UMODL1: variants seen among roughly 807,000 people sequenced by gnomAD.
UMODL1 encodes the protein uromodulin-like 1.
A neutral mutation model predicts 136.3 loss-of-function variants in UMODL1; 128 were observed. The ratio of observed to expected loss-of-function variants is 0.94; its 90% confidence interval spans 0.81 to 1.09. The LOEUF (loss-of-function observed/expected upper bound fraction) is 1.09. Ranked by LOEUF, UMODL1 falls within the 50% of genes least tolerant of loss-of-function variation. UMODL1 has a pLI of 0.00. For synonymous variants in UMODL1, 721 were observed against 720.0 expected (o/e 1.00, Z -0.02); for missense variants, 1,766 against 1,725.6 (o/e 1.02, Z -0.41).
Position 42,085,216 on chromosome 21 carries a change from C to T in UMODL1, c.482-75C>T. 1.3e-6 allele frequency: 2 copies of T among 1,561,202 alleles called. No individual in the cohort carries two copies. The highest frequency in any genetic ancestry group is 2.4e-5 in the South Asian group (2 of 82,664). On this transcript the variant is annotated intron_variant, in intron 3 of 22. Coordinates refer to ENST00000408910, the MANE Select transcript of UMODL1 (RefSeq NM_001004416.3). This position sits in a 1 kb window ranked among gnomAD's most constrained non-coding sequence, Gnocchi z 4.5. ...TGGCCTCTGGTTCCCTCTCCTGCCC[C>T]CTCTCCCACCCCAGCAGCTTTTGTG...
At chr21:42,075,108 C>T (rs1252791177) in intron 1 of UMODL1, among the ~76,000 whole-genome samples, 1 of 152,130 alleles carries the variant, frequency 6.6e-6, no homozygotes, top group African/African-American at 2.4e-5. Context: ...CCATGTTAGC[C>T]AGGGTGGTCT....
intron 20 of UMODL1, 91 bp downstream of exon 20, chr21:42,127,922 G>A (rs1049027161): frequency 1.1e-4 from 167 of 1,557,888 alleles, no homozygotes; most frequent in Non-Finnish European, 6.7e-5. Context: ...CCTAGGGCTC[G>A]AGTGGCTCGG....
intron 6 of UMODL1, among the ~76,000 whole-genome samples, chr21:42,092,589 C>T (rs2066504930): frequency 6.6e-6 from 1 of 152,208 alleles, no homozygotes; most frequent in South Asian, 2.1e-4. Flanking sequence ...ACTTCTGTTG[C>T]TTTCAAGAGT....
chr21:42,121,430 A>G (rs1343793107), intron 16 of UMODL1, among the ~76,000 whole-genome samples: 1 of 151,790 alleles, frequency 6.6e-6, no homozygotes, highest in Non-Finnish European at 1.5e-5. Context: ...GTTCCTTCCC[A>G]TTCTTTCATA....
chr21:42,129,778 A>AC lies in UMODL1; in HGVS notation c.3760dup (p.Leu1254ProfsTer5). 1 of 1,587,084 alleles carries AC rather than the reference A, an allele frequency of 6.3e-7. No individual in the cohort carries two copies. Among genetic ancestry groups the AC allele is most frequent in the Non-Finnish European group, 8.5e-7 (1 of 1,169,620 alleles). On this transcript the variant is annotated frameshift_variant, in exon 21 of 23. Transcript: ENST00000408910. LOFTEE classifies it high-confidence loss of function. ...CTGCCACACACCAGATGTCCTGGGG[A>AC]CCCCTCATCCGGTCTGAAGGTGAGT...
intron 11 of UMODL1, 114 bp from the exon 12 acceptor site, chr21:42,111,392 A>G: frequency 1.2e-6 from 2 of 1,613,120 alleles, no homozygotes; most frequent in Non-Finnish European, 1.7e-6. Flanking sequence ...GGCGAGCCCC[A>G]GCCATAGGAA....
At position 42,085,224 on chromosome 21, in the gene UMODL1, A is replaced by T. The variant is rs1009068166; in HGVS notation, c.482-67A>T. 9.7e-5 allele frequency: 152 copies of T among 1,571,782 alleles called. No homozygotes were observed. The African/African-American group carries it at 1.7e-3, about 18-fold the overall frequency. ...GGTTCCCTCTCCTGCCCCCTCTCCC[A>T]CCCCAGCAGCTTTTGTGACTTCAAC... On this transcript the variant is annotated intron_variant, in intron 3 of 22. Coordinates refer to ENST00000408910, the MANE Select transcript of UMODL1 (RefSeq NM_001004416.3). The surrounding 1 kb of genome is among the most constrained non-coding windows in gnomAD (Gnocchi z 4.5).
chr21:42,070,309 C>A (rs1162773471), upstream of UMODL1, among the ~76,000 whole-genome samples: 1 of 152,194 alleles, frequency 6.6e-6, no homozygotes, highest in East Asian at 1.9e-4. Context: ...AAAAATTGGG[C>A]TTCAGCAGTC....
chr21:42,123,062 G>T lies in UMODL1; in HGVS notation c.3059G>T (p.Ser1020Ile), dbSNP rs1433669002. The T allele has an allele frequency of 6.2e-7, 1 of 1,613,982 alleles. No individual in the cohort carries two copies. The highest frequency in any genetic ancestry group is 8.5e-7 in the Non-Finnish European group (1 of 1,180,040). Residue 1020 changes from serine (S) to isoleucine (I), a missense_variant, in exon 17 of 23, where the codon AGC becomes ATC. Physicochemically the swap from Ser to Ile is moderately radical, Grantham distance 142. Transcript: ENST00000408910. The surrounding 1 kb of genome is among the most constrained non-coding windows in gnomAD (Gnocchi z 4.4). ...ATCCCCGAGTCCTCGTTGTACCTCA[G>T]CCACCCCTCCTGCAACGTGAGCCAC... is the stretch of plus-strand genomic sequence containing the variant. Reference protein sequence around the residue: ...ESIPESSLYLSHPSCNVSHSN... With the variant: ...ESIPESSLYLIHPSCNVSHSN...
At chr21:42,109,743 C>G (rs777097188) in intron 10 of UMODL1, 44 bp downstream of exon 10, 2 of 1,589,616 alleles carry the variant, frequency 1.3e-6, no homozygotes, top group African/African-American at 1.3e-5. Context: ...ACCCCCTGCC[C>G]GAGAATCTGG....
At chr21:42,080,750 C>A (rs150068361) in intron 2 of UMODL1, among the ~76,000 whole-genome samples, 1 of 152,336 alleles carries the variant, frequency 6.6e-6, no homozygotes, top group African/African-American at 2.4e-5. Context: ...TTATCCAGGG[C>A]AGACATTTCA....
chr21:42,130,780 G>A (rs1018457865), intron 21 of UMODL1, among the ~76,000 whole-genome samples: 2 of 151,880 alleles, frequency 1.3e-5, no homozygotes, highest in African/African-American at 4.8e-5. Flanking sequence ...TGGGCAAGTG[G>A]CCAAGGCAGG....
Position 42,126,287 on chromosome 21 carries a change from C to T in UMODL1, c.3148-58C>T. 3 of 1,606,200 alleles carry T rather than the reference C, an allele frequency of 1.9e-6. No individual in the cohort carries two copies. In the Admixed American group the frequency reaches 5.0e-5, roughly 27 times the overall value. On this transcript the variant is annotated intron_variant, in intron 17 of 22. Transcript: ENST00000408910. ...CAGCACCTAGAGCCGTGGCCCACAGCAGGGCGTGGGGGGCCGGCTGGGGCC... is the reference window on the plus strand; with the variant it reads ...CAGCACCTAGAGCCGTGGCCCACAGTAGGGCGTGGGGGGCCGGCTGGGGCC...
At chr21:42,089,618 T>G (rs1017242411) in intron 5 of UMODL1, among the ~76,000 whole-genome samples, 29 of 152,166 alleles carry the variant, frequency 1.9e-4, no homozygotes, top group Non-Finnish European at 1.5e-5. Flanking sequence ...TCTAGGGAAG[T>G]GTGATTTTGT....
In UMODL1 at chr21:42,127,023, A is replaced by G. The variant is rs764327958; in HGVS notation, c.3311A>G (p.Glu1104Gly). ...TLEWGVYTII[E>G]DLHGAGNFVT... ...TCTTGCAGGGTTTACACCATCATCG[A>G]GGACCTCCACGGCGCTGGGAATTTT... Residue 1104 changes from glutamate to glycine, a missense_variant, in exon 19 of 23, where the codon GAG becomes GGG. Transcript: ENST00000408910. 6.2e-7 allele frequency: 1 copy of G among 1,614,150 alleles called. No individual in the cohort carries two copies. Among genetic ancestry groups the G allele is most frequent in the South Asian group, 1.1e-5 (1 of 91,078 alleles).
In UMODL1 at chr21:42,084,241, C is replaced by T; in HGVS notation, c.477C>T (p.Pro159=). The change falls in exon 3 of 23, where the codon CCC becomes CCT. Residue 159 remains proline (P), a synonymous_variant. Transcript: ENST00000408910. Reference sequence around the variant, plus strand: ...GGCGCTACTGCATGGCCCCTGCACCCCAAGGTAGGCTGCTGCGGGCCATGC... The same window carrying T: ...GGCGCTACTGCATGGCCCCTGCACCTCAAGGTAGGCTGCTGCGGGCCATGC... The part of the protein sequence containing the change: ...SGGRYCMAPA[P]QAPERDPVGS... 6.2e-7 allele frequency: 1 copy of T among 1,612,976 alleles called. No individual in the cohort carries two copies. The highest frequency in any genetic ancestry group is 8.5e-7 in the Non-Finnish European group (1 of 1,179,814).
At chr21:42,086,105 C>T (rs999990274) in intron 4 of UMODL1, among the ~76,000 whole-genome samples, 5 of 152,188 alleles carry the variant, frequency 3.3e-5, no homozygotes, top group Admixed American at 6.5e-5. Flanking sequence ...GTGGACAGGG[C>T]GCTGCGTGTC....
intron 6 of UMODL1, among the ~76,000 whole-genome samples, chr21:42,097,688 T>G (rs574457868): frequency 9.9e-5 from 15 of 152,246 alleles, no homozygotes; most frequent in Non-Finnish European, 2.2e-4. Flanking sequence ...AAATATATTT[T>G]TAAAAGTTCT....
At chr21:42,115,439 G>C (rs1419886778) in intron 13 of UMODL1, among the ~76,000 whole-genome samples, 1 of 152,248 alleles carries the variant, frequency 6.6e-6, no homozygotes, top group Non-Finnish European at 1.5e-5. Flanking sequence ...ACTCTGAGCA[G>C]AGGCCTGGCC....
Sources: allele counts gnomAD v4.1 joint callset (sites outside exome capture counted in the v4.1 genomes callset), GRCh38; gene constraint gnomAD v4.1.1; non-coding constraint Gnocchi (gnomAD v3.1); transcripts MANE v1.5; gene names NCBI Gene and HGNC (gene_info 2026-07-23, HGNC 2026-07-21).